Variants in MBNL2 observed in about 807,000 individuals in gnomAD.
MBNL2 encodes muscleblind-like protein 2.
Under a neutral mutation model 41.9 loss-of-function variants are expected in MBNL2, and 17 were observed. The ratio of observed to expected loss-of-function variants is 0.41; its 90% CI spans 0.28 to 0.61. The LOEUF is 0.61. Ranked by LOEUF, MBNL2 falls within the 20% of genes least tolerant of loss-of-function variation. MBNL2 has a pLI of 0.35. For synonymous variants in MBNL2, 195 were observed against 182.9 expected (o/e 1.07, Z -0.53); for missense variants, 336 against 505.6 (o/e 0.66, Z 3.22).
chr13:97,206,020 A>G, the MBNL2 span, among the ~76,000 whole-genome samples: 1 of 152,220 alleles, frequency 6.6e-6, no homozygotes, highest in Non-Finnish European at 1.5e-5. Flanking sequence ...ATGATAAAAA[A>G]TGAGTTATTT....
intron 2 of MBNL2, among the ~76,000 whole-genome samples, chr13:97,312,584 C>G (rs1285936118): frequency 1.3e-5 from 2 of 152,182 alleles, no homozygotes; most frequent in Non-Finnish European, 2.9e-5. Flanking sequence ...TGGTAGCTCT[C>G]AAAGACCAGG....
Position 97,392,426 on chromosome 13 carries a change from T to C in MBNL2, c.*977T>C, listed in dbSNP as rs1234104177. On this transcript the variant is annotated 3_prime_UTR_variant, in exon 9 of 9. Coordinates refer to ENST00000679496, the MANE Select transcript of MBNL2 (RefSeq NM_001382683.1). ...TTTCACTTTTTAAAAAATCCATTAC[T>C]GTTTTGCATTTCAAAAGTTGGATTA... 6.6e-6 allele frequency: 1 copy of C among 152,618 alleles called. No homozygotes were observed. The highest frequency in any genetic ancestry group is 2.4e-5 in the African/African-American group (1 of 41,458). The allele number at this position is 152,618 out of a possible 1,614,324, so 9.5% of individuals were successfully genotyped here.
chr13:97,346,699 C>G lies in MBNL2; in HGVS notation c.541-105C>G. Reference sequence around the variant, plus strand: ...TTTCTTGTCAGTGGTACATGAGCCACCATTGAAAGCGAGGCAGCCTCCGCT... The same window carrying G: ...TTTCTTGTCAGTGGTACATGAGCCAGCATTGAAAGCGAGGCAGCCTCCGCT... On this transcript the variant is annotated intron_variant, in intron 4 of 8. Coordinates refer to ENST00000679496, the MANE Select transcript of MBNL2 (RefSeq NM_001382683.1). The surrounding 1 kb of genome is among the most constrained non-coding windows in gnomAD (Gnocchi z 4.2). 1.2e-6 allele frequency: 1 copy of G among 810,068 alleles called. No homozygotes were observed. Among genetic ancestry groups the G allele is most frequent in the East Asian group, 2.6e-5 (1 of 38,388 alleles). 50.2% of individuals were successfully genotyped at this position (810,068 alleles called of 1,614,324 possible).
intron 8 of MBNL2, among the ~76,000 whole-genome samples, chr13:97,374,240 C>CTG (rs1566448918): frequency 6.6e-6 from 1 of 151,722 alleles, no homozygotes; most frequent in Non-Finnish European, 1.5e-5. Flanking sequence ...CTCCGCCTCC[C>CTG]GGGTTCACGC....
At chr13:97,249,784 T>C (rs1284525892) in intron 1 of MBNL2, among the ~76,000 whole-genome samples, 3 of 152,210 alleles carry the variant, frequency 2.0e-5, no homozygotes, top group Non-Finnish European at 4.4e-5. Flanking sequence ...TAAAATGCAA[T>C]TGGGTGTACT....
At chr13:97,188,350 A>G in the MBNL2 span, among the ~76,000 whole-genome samples, 13 of 152,276 alleles carry the variant, frequency 8.5e-5, no homozygotes, top group African/African-American at 2.9e-4. Flanking sequence ...TCATGCACAA[A>G]TATCAGGAAT....
At chr13:97,274,299 G>T (rs1007676786) in intron 1 of MBNL2, among the ~76,000 whole-genome samples, 3 of 152,144 alleles carry the variant, frequency 2.0e-5, no homozygotes, top group Non-Finnish European at 4.4e-5. Flanking sequence ...AACCAGCCTG[G>T]TCAACATGGT....
At chr13:97,221,147 T>C (rs971887354), upstream of MBNL2, among the ~76,000 whole-genome samples, 2 of 152,234 alleles carry the variant, frequency 1.3e-5, no homozygotes, top group African/African-American at 4.8e-5. Flanking sequence ...GTTGCTTCAT[T>C]ACAGATGCGC....
the MBNL2 span, among the ~76,000 whole-genome samples, chr13:97,211,505 T>C: frequency 2.0e-5 from 3 of 152,226 alleles, no homozygotes; most frequent in Non-Finnish European, 2.9e-5. Flanking sequence ...TATTTAAGTA[T>C]GGTTATTTCT....
chr13:97,326,886 G>A (rs149363142), intron 2 of MBNL2, among the ~76,000 whole-genome samples: 1 of 152,300 alleles, frequency 6.6e-6, no homozygotes, highest in African/African-American at 2.4e-5. Flanking sequence ...TTCTGGAAAT[G>A]TACTGGGAGG....
rs992590843 is a variant in MBNL2 at position 97,232,194 on chromosome 13, C to T, written c.-605+9663C>T. 5.9e-5 allele frequency among the ~76,000 whole-genome samples: 9 copies of T among 152,162 alleles called. No homozygotes were observed. The East Asian group carries it at 1.2e-3, about 20-fold the overall frequency. On this transcript the variant is annotated intron_variant, in intron 1 of 8. Transcript: ENST00000679496. Reference sequence around the variant, plus strand: ...ATACCTTGTTATAGGTCATCCATCTCGTGCCCCTGTCTGTCCTCCCTCCTT... The same window carrying T: ...ATACCTTGTTATAGGTCATCCATCTTGTGCCCCTGTCTGTCCTCCCTCCTT...
the MBNL2 span, among the ~76,000 whole-genome samples, chr13:97,184,079 G>T: frequency 6.6e-6 from 1 of 152,180 alleles, no homozygotes; most frequent in South Asian, 2.1e-4. Flanking sequence ...CAAACCATGG[G>T]TTTTAAAAAT....
At chr13:97,279,910 T>C (rs2053007628) in intron 2 of MBNL2, among the ~76,000 whole-genome samples, 1 of 152,208 alleles carries the variant, frequency 6.6e-6, no homozygotes, top group African/African-American at 2.4e-5. Context: ...ACTGTGAAAT[T>C]TGTGCATTAT....
intron 2 of MBNL2, among the ~76,000 whole-genome samples, chr13:97,322,670 A>G (rs759117118): frequency 2.6e-5 from 4 of 151,946 alleles, no homozygotes; most frequent in Non-Finnish European, 5.9e-5. Flanking sequence ...TATTTTTCCC[A>G]TCTTCTTCCA....
chr13:97,290,781 G>C (rs1339950323), intron 2 of MBNL2, among the ~76,000 whole-genome samples: 3 of 152,134 alleles, frequency 2.0e-5, no homozygotes, highest in Non-Finnish European at 4.4e-5. Flanking sequence ...AATGGAGCAA[G>C]GTACTCTGAT....
chr13:97,226,976 A>T (rs951237707), intron 1 of MBNL2, among the ~76,000 whole-genome samples: 1 of 151,906 alleles, frequency 6.6e-6, no homozygotes, highest in Non-Finnish European at 1.5e-5. Context: ...ATCTCTAGCA[A>T]GGAAACCTGT....
the MBNL2 span, among the ~76,000 whole-genome samples, chr13:97,146,728 G>A: frequency 6.6e-6 from 1 of 152,130 alleles, no homozygotes; most frequent in South Asian, 2.1e-4. Flanking sequence ...CCAAAAAGCA[G>A]CTATCTGGGA....
At chr13:97,171,805 G>A in the MBNL2 span, among the ~76,000 whole-genome samples, 1 of 152,170 alleles carries the variant, frequency 6.6e-6, no homozygotes, top group African/African-American at 2.4e-5. Flanking sequence ...TGTGTTATGG[G>A]AGATAATTGA....
chr13:97,226,585 A>T (rs1470766422), intron 1 of MBNL2, among the ~76,000 whole-genome samples: 2 of 152,218 alleles, frequency 1.3e-5, no homozygotes, highest in African/African-American at 4.8e-5. Flanking sequence ...TAACCATCAG[A>T]TTAATTTTAG....
Sources: allele counts gnomAD v4.1 joint callset (sites outside exome capture counted in the v4.1 genomes callset), GRCh38; gene constraint gnomAD v4.1.1; non-coding constraint Gnocchi (gnomAD v3.1); transcripts MANE v1.5; gene names NCBI Gene and HGNC (gene_info 2026-07-23, HGNC 2026-07-21).